The following ENKUR variants were observed in gnomAD, a reference collection of about 807,000 sequenced individuals.
ENKUR encodes the protein enkurin.
Under a neutral mutation model 27.6 loss-of-function variants are expected in ENKUR, and 19 were observed. That is an observed-to-expected ratio of 0.69 (90% CI 0.48 to 1.01). The LOEUF (loss-of-function observed/expected upper bound fraction) is 1.01, where lower values mean the gene tolerates loss of function less well. Among genes scored for constraint, ENKUR ranks in the 50% least tolerant of loss-of-function variants. The pLI, the probability that ENKUR is intolerant of heterozygous loss-of-function variation, is 0.00. For synonymous variants in ENKUR, 117 were observed against 96.9 expected, an observed-to-expected ratio of 1.21 and a Z score of -1.22; for missense variants, 312 against 310.5, an observed-to-expected ratio of 1.00 and a Z score of -0.04.
chr10:25,028,319 A>G (rs565060286), intron 2 of ENKUR, among the ~76,000 whole-genome samples: 13 of 152,324 alleles, frequency 8.5e-5, no homozygotes, highest in Middle Eastern at 3.4e-3. Flanking sequence ...GTGACCATAC[A>G]TAACACACCT....
Position 24,984,739 on chromosome 10 carries a change from T to C in ENKUR, c.761A>G (p.Asn254Ser), listed in dbSNP as rs1357905420. ...TACTTTAAAGATCCATTCTTACTTATTGGCAATATAAATAATCTTGTGCTT... is the reference window on the plus strand; with the variant it reads ...TACTTTAAAGATCCATTCTTACTTACTGGCAATATAAATAATCTTGTGCTT... ...IEKHKIIYIANNA is the reference protein window; with the variant it reads ...IEKHKIIYIASNA The change falls in exon 5 of 6, where the codon AAT (asparagine) becomes AGT (serine). Residue 254 changes from asparagine (N) to serine (S), a missense_variant. Asn to Ser is a conservative substitution (Grantham distance 46, BLOSUM62 1). Coordinates refer to ENST00000331161, the MANE Select transcript of ENKUR (RefSeq NM_145010.4). 3.7e-6 allele frequency: 6 copies of C among 1,607,056 alleles called. No homozygotes were observed. Among genetic ancestry groups the C allele is most frequent in the African/African-American group, 1.3e-5 (1 of 74,674 alleles).
intron 1 of ENKUR, among the ~76,000 whole-genome samples, chr10:25,014,236 ACT>A (rs1405108278): frequency 1.3e-5 from 2 of 152,114 alleles, no homozygotes; most frequent in Admixed American, 1.3e-4. Context: ...AAGACGGTAA[ACT>A]CTGAGGCGTG....
chr10:25,011,852 G>C (rs1850452972), intron 1 of ENKUR, among the ~76,000 whole-genome samples: 1 of 152,206 alleles, frequency 6.6e-6, no homozygotes, highest in South Asian at 2.1e-4. Flanking sequence ...GCAGAAATTT[G>C]CATAAGGAGA....
At chr10:24,988,716 A>G (rs1025701061) in intron 4 of ENKUR, among the ~76,000 whole-genome samples, 2 of 111,394 alleles carry the variant, frequency 1.8e-5, no homozygotes, top group African/African-American at 6.2e-5. Context: ...ATATATATAT[A>G]TATATATATA....
chr10:25,019,520 A>G (rs888122427), upstream of ENKUR, among the ~76,000 whole-genome samples: 2 of 152,196 alleles, frequency 1.3e-5, no homozygotes, highest in Non-Finnish European at 2.9e-5. Context: ...AAAATACCAC[A>G]AACAAAAAAG....
At chr10:25,007,923 T>C (rs1212361383) in intron 1 of ENKUR, among the ~76,000 whole-genome samples, 1 of 150,852 alleles carries the variant, frequency 6.6e-6, no homozygotes, top group Admixed American at 6.6e-5. Context: ...AGGCCTTCAA[T>C]TGTAATTCTA....
At chr10:25,018,654 GAGTT>G (rs386741982), upstream of ENKUR, among the ~76,000 whole-genome samples, 13 of 116,282 alleles carry the variant, frequency 1.1e-4, no homozygotes, top group African/African-American at 3.7e-4. Flanking sequence ...AAACAAATGA[GAGTT>G]GTTTTTTTTT....
At chr10:25,001,539 T>G (rs558823604) in intron 1 of ENKUR, among the ~76,000 whole-genome samples, 1 of 152,264 alleles carries the variant, frequency 6.6e-6, no homozygotes, top group Non-Finnish European at 1.5e-5. Context: ...CCTCATTGAT[T>G]CTCTGCTTTC....
chr10:24,996,284 T>G (rs1304115834), intron 2 of ENKUR, among the ~76,000 whole-genome samples: 2 of 152,126 alleles, frequency 1.3e-5, no homozygotes, highest in Admixed American at 6.5e-5. Flanking sequence ...TAGCCAAGCA[T>G]GATAGTGTGC....
At chr10:25,059,590 GCA>G (rs553008108) in intron 2 of ENKUR, among the ~76,000 whole-genome samples, 227 of 152,292 alleles carry the variant, frequency 1.5e-3, no homozygotes, top group Middle Eastern at 3.4e-3. Context: ...CATAGCTCCA[GCA>G]CACAGACCAG....
intron 2 of ENKUR, chr10:25,024,833 A>G (rs1468595198): frequency 6.2e-7 from 1 of 1,614,080 alleles, no homozygotes; most frequent in Non-Finnish European, 8.5e-7. Context: ...TCTAATCAGA[A>G]CCATGTTTTG....
chr10:25,037,690 T>C (rs1251349959), intron 2 of ENKUR, among the ~76,000 whole-genome samples: 4 of 152,196 alleles, frequency 2.6e-5, no homozygotes, highest in Admixed American at 1.3e-4. Flanking sequence ...TCTTTCCTTA[T>C]CATTTCCTTA....
intron 2 of ENKUR, among the ~76,000 whole-genome samples, chr10:25,045,739 A>G (rs1042454586): frequency 3.3e-5 from 5 of 152,188 alleles, no homozygotes; most frequent in African/African-American, 1.2e-4. Flanking sequence ...TGAGATTTTA[A>G]TATTTTATGA....
chr10:25,040,328 T>C (rs1449981660), intron 2 of ENKUR, among the ~76,000 whole-genome samples: 1 of 151,916 alleles, frequency 6.6e-6, no homozygotes, highest in African/African-American at 2.4e-5. Flanking sequence ...GTATGATTCA[T>C]TGATGCCACT....
rs773594131 is a variant in ENKUR, at chr10:24,999,479, T to C, written c.145A>G (p.Met49Val). Reference protein sequence around the residue: ...MQKAKTAMKTMGPAKVEVPSP... With the variant: ...MQKAKTAMKTVGPAKVEVPSP... ...GGTACTTCAACTTTTGCTGGTCCCA[T>C]AGTTTTCATTGCAGTTTTAGCTTTT... The change falls in exon 2 of 6, where the codon ATG (methionine) becomes GTG (valine). Residue 49 changes from methionine to valine, a missense_variant. Transcript: ENST00000331161. The C allele has an allele frequency of 4.3e-6, 7 of 1,613,222 alleles. No homozygotes were observed. In the South Asian group the frequency reaches 6.6e-5, roughly 15 times the overall value.
upstream of ENKUR, among the ~76,000 whole-genome samples, chr10:25,017,621 CTT>C (rs139511500): frequency 9.1e-4 from 130 of 142,082 alleles, no homozygotes; most frequent in Admixed American, 3.4e-3. Flanking sequence ...TTAAGTTTTT[CTT>C]TTTTTTTTTT....
chr10:25,040,560 A>G (rs36085274), intron 2 of ENKUR, among the ~76,000 whole-genome samples: 66,322 of 150,292 alleles, frequency 0.44, 15,117 homozygotes, highest in African/African-American at 0.57. Context: ...TATCAGTAGA[A>G]ACGGTTTCAC....
intron 2 of ENKUR, among the ~76,000 whole-genome samples, chr10:25,056,025 T>G (rs1207468950): frequency 1.3e-5 from 2 of 149,416 alleles, no homozygotes; most frequent in African/African-American, 4.8e-5. Context: ...TCATTGTCAT[T>G]ATAAGGGCCA....
upstream of ENKUR, among the ~76,000 whole-genome samples, chr10:25,017,745 A>G (rs895968717): frequency 2.6e-5 from 4 of 151,698 alleles, no homozygotes; most frequent in Non-Finnish European, 5.9e-5. Context: ...CTGTAGATCT[A>G]TATTTAGATC....
Sources: gnomAD v4.1 joint callset for allele counts (sites outside exome capture counted in the v4.1 genomes callset) on GRCh38, gnomAD v4.1.1 for gene constraint, MANE v1.5 for transcripts, NCBI Gene and HGNC (gene_info 2026-07-23, HGNC 2026-07-21) for gene names.